The following AVEN variants were observed in gnomAD, a reference collection of about 807,000 sequenced individuals.
The protein encoded by AVEN is apoptosis and caspase activation inhibitor, also known as cell death regulator Aven.
Under a neutral mutation model 38.1 loss-of-function variants are expected in AVEN, and 41 were observed. The observed-to-expected ratio is 1.08, with a 90% CI of 0.84 to 1.40. AVEN has a LOEUF of 1.40. Ranked by LOEUF, AVEN falls within the 40% of genes most tolerant of loss-of-function variation. The probability of loss-of-function intolerance (pLI) is 0.00; values close to 1 mark genes in which losing one functional copy is unlikely to be tolerated. For synonymous variants in AVEN, 206 were observed against 171.8 expected, an observed-to-expected ratio of 1.20 and a Z score of -1.56; for missense variants, 605 against 438.8, an observed-to-expected ratio of 1.38 and a Z score of -3.38.
At chr15:33,977,655 T>C (rs1253040020) in intron 2 of AVEN, among the ~76,000 whole-genome samples, 1 of 152,202 alleles carries the variant, frequency 6.6e-6, no homozygotes, top group African/African-American at 2.4e-5. Flanking sequence ...ATTTTGAACC[T>C]TGAAATTCTG....
rs114992326 is a variant in AVEN, at chr15:33,889,709, G to C, written c.446-13714C>G. ...GATTTAAATGGGCAAATGACATACAGAGTAATTTGAATTTTTAAATGTTTT... is the reference window on the plus strand; with the variant it reads ...GATTTAAATGGGCAAATGACATACACAGTAATTTGAATTTTTAAATGTTTT... On this transcript the variant is annotated intron_variant, in intron 2 of 5. Coordinates refer to ENST00000306730, the MANE Select transcript of AVEN (RefSeq NM_020371.3). 1.5e-3 allele frequency among the ~76,000 whole-genome samples: 224 copies of C among 152,282 alleles called. 2 individuals are homozygous for C. Among genetic ancestry groups the C allele is most frequent in the South Asian group, 2.1e-3 (10 of 4,824 alleles).
At chr15:33,893,794 G>C (rs777879140) in intron 2 of AVEN, among the ~76,000 whole-genome samples, 2 of 152,090 alleles carry the variant, frequency 1.3e-5, no homozygotes, top group Non-Finnish European at 2.9e-5. Context: ...CCTCTGATTA[G>C]CTACTTCTGG....
chr15:33,862,098 T>C (rs1392063709), downstream of AVEN, among the ~76,000 whole-genome samples: 1 of 152,090 alleles, frequency 6.6e-6, no homozygotes, highest in African/African-American at 2.4e-5. Flanking sequence ...ATAGATTTTA[T>C]TACCTGATAA....
chr15:33,998,834 C>G (rs1298528737), intron 2 of AVEN, among the ~76,000 whole-genome samples: 1 of 152,206 alleles, frequency 6.6e-6, no homozygotes, highest in Non-Finnish European at 1.5e-5. Context: ...CCCCTAAACT[C>G]TAGACACTGT....
intron 1 of AVEN, chr15:34,007,176 A>C: frequency 2.5e-6 from 1 of 398,162 alleles, no homozygotes. Flanking sequence ...ACACACACAA[A>C]TCCATTTAAA....
chr15:34,027,265 A>C (rs989082486), intron 1 of AVEN, among the ~76,000 whole-genome samples: 2 of 152,226 alleles, frequency 1.3e-5, no homozygotes, highest in African/African-American at 4.8e-5. Flanking sequence ...CTGTAATCCT[A>C]GCACTTTGGG....
At chr15:34,032,549 T>C (rs571376647) in intron 1 of AVEN, among the ~76,000 whole-genome samples, 21 of 152,332 alleles carry the variant, frequency 1.4e-4, no homozygotes, top group African/African-American at 5.1e-4. Context: ...AATGAATTCA[T>C]GCAATGAACC....
At chr15:33,996,361 C>G (rs541291927) in intron 2 of AVEN, among the ~76,000 whole-genome samples, 1 of 152,138 alleles carries the variant, frequency 6.6e-6, no homozygotes, top group African/African-American at 2.4e-5. Context: ...GTTCTGAGAA[C>G]CGACAGACTG....
chr15:34,044,674 A>G (rs1899619703), intron 5 of AVEN, among the ~76,000 whole-genome samples: 1 of 152,202 alleles, frequency 6.6e-6, no homozygotes, highest in African/African-American at 2.4e-5. Context: ...AGCCTGTGGC[A>G]GGAGTCGACA....
intron 1 of AVEN, among the ~76,000 whole-genome samples, chr15:34,034,901 T>G (rs1899046209): frequency 2.6e-5 from 4 of 152,068 alleles, no homozygotes; most frequent in Admixed American, 2.6e-4. Context: ...AAAAGGAAAA[T>G]AAAGTCTAGA....
At chr15:34,010,192 C>A (rs1275725120) in intron 1 of AVEN, among the ~76,000 whole-genome samples, 1 of 152,118 alleles carries the variant, frequency 6.6e-6, no homozygotes, top group African/African-American at 2.4e-5. Context: ...ACTGAAGCTA[C>A]CATCCTATTT....
At chr15:33,856,346 G>C (rs962634658), downstream of AVEN, 2 of 152,270 alleles carry the variant, frequency 1.3e-5, no homozygotes, top group African/African-American at 4.8e-5. Flanking sequence ...TGAAGGCAAA[G>C]CTCTGATCCT....
intron 1 of AVEN, among the ~76,000 whole-genome samples, chr15:34,023,234 C>A (rs1898290466): frequency 6.6e-6 from 1 of 152,060 alleles, no homozygotes; most frequent in Non-Finnish European, 1.5e-5. Context: ...ATCCCCCACT[C>A]AGGTTGCTAC....
chr15:33,855,137 C>T (rs1567333544), downstream of AVEN, among the ~76,000 whole-genome samples: 1 of 152,094 alleles, frequency 6.6e-6, no homozygotes, highest in Non-Finnish European at 1.5e-5. Flanking sequence ...GATTCAGTGA[C>T]CCCTGACATT....
chr15:33,918,195 T>C (rs1445744285), intron 2 of AVEN, among the ~76,000 whole-genome samples: 1 of 152,096 alleles, frequency 6.6e-6, no homozygotes, highest in African/African-American at 2.4e-5. Flanking sequence ...CTCATACGTA[T>C]CTAAGCAAAG....
At chr15:33,865,184 C>G, downstream of AVEN, 1 of 1,613,972 alleles carries the variant, frequency 6.2e-7, no homozygotes, top group Non-Finnish European at 8.5e-7. Flanking sequence ...TCTTCCCAGC[C>G]GGTGACTGCT....
At chr15:33,990,244 T>A (rs1051318421) in intron 2 of AVEN, among the ~76,000 whole-genome samples, 1 of 151,668 alleles carries the variant, frequency 6.6e-6, no homozygotes, top group East Asian at 1.9e-4. Context: ...TAGCCAGGCG[T>A]TGAGGTGCGT....
chr15:33,866,610 T>G lies in AVEN; in HGVS notation c.*3A>C. ...TTTGCTTCAGGCACTTTTTTTCCCC[T>G]TTTTAGGAAATCATGCTGTCCAACC... On this transcript the variant is annotated 3_prime_UTR_variant, in exon 6 of 6. Coordinates refer to ENST00000306730, the MANE Select transcript of AVEN (RefSeq NM_020371.3). 1 of 1,611,800 alleles carries G rather than the reference T, an allele frequency of 6.2e-7. No homozygotes were observed. The highest frequency in any genetic ancestry group is 8.5e-7 in the Non-Finnish European group (1 of 1,178,342).
At chr15:34,024,429 C>T (rs1898347956) in intron 1 of AVEN, among the ~76,000 whole-genome samples, 2 of 144,852 alleles carry the variant, frequency 1.4e-5, no homozygotes, top group Admixed American at 7.0e-5. Flanking sequence ...GCCAAGACTG[C>T]ACCACTGCCC....
Sources: gnomAD v4.1 joint callset for allele counts (sites outside exome capture counted in the v4.1 genomes callset) on GRCh38, gnomAD v4.1.1 for gene constraint, MANE v1.5 for transcripts, NCBI Gene and HGNC (gene_info 2026-07-23, HGNC 2026-07-21) for gene names.